ADGRL3: variants seen among roughly 807,000 people sequenced by gnomAD.
The protein encoded by ADGRL3 is calcium-independent alpha-latrotoxin receptor 3.
Under a neutral mutation model 153.5 loss-of-function variants are expected in ADGRL3, and 62 were observed. The observed-to-expected ratio is 0.40, with a 90% CI of 0.33 to 0.50. The LOEUF (loss-of-function observed/expected upper bound fraction) is 0.50. Ranked by LOEUF, ADGRL3 falls within the 20% of genes least tolerant of loss-of-function variation. The pLI is 0.47. For synonymous variants in ADGRL3, 710 were observed against 672.5 expected, an observed-to-expected ratio of 1.06 and a Z score of -0.86; for missense variants, 1,641 against 1,859.4, an observed-to-expected ratio of 0.88 and a Z score of 2.16.
chr4:61,388,627 C>T (rs1280784306), intron 2 of ADGRL3, among the ~76,000 whole-genome samples: 2 of 152,188 alleles, frequency 1.3e-5, no homozygotes, highest in African/African-American at 4.8e-5. Flanking sequence ...TCACAGTCCT[C>T]TTCTGTGTGG....
intron 9 of ADGRL3, among the ~76,000 whole-genome samples, chr4:61,865,177 A>C (rs1470263766): frequency 6.6e-6 from 1 of 152,180 alleles, no homozygotes; most frequent in Non-Finnish European, 1.5e-5. Context: ...TTTTCTGTGG[A>C]CAAAAGAATT....
chr4:61,581,030 T>G (rs551715086), intron 4 of ADGRL3, among the ~76,000 whole-genome samples: 18 of 152,176 alleles, frequency 1.2e-4, no homozygotes, highest in South Asian at 2.1e-4. Context: ...GAAAGTTGGG[T>G]TCTTGTATTC....
At chr4:61,492,230 A>G (rs1301599431) in intron 2 of ADGRL3, among the ~76,000 whole-genome samples, 1 of 152,178 alleles carries the variant, frequency 6.6e-6, no homozygotes, top group Non-Finnish European at 1.5e-5. Context: ...AAAATAAGTT[A>G]TGGATTGATA....
chr4:61,404,544 T>C (rs560031304), intron 2 of ADGRL3, among the ~76,000 whole-genome samples: 1 of 152,218 alleles, frequency 6.6e-6, no homozygotes, highest in Admixed American at 6.5e-5. Context: ...CATTGAGCAT[T>C]TCTTTATTCT....
chr4:62,019,124 G>A (rs1220795251), intron 21 of ADGRL3, among the ~76,000 whole-genome samples: 5 of 152,036 alleles, frequency 3.3e-5, no homozygotes, highest in Non-Finnish European at 2.9e-5. Context: ...GGTTTTGTAA[G>A]CCCAAGCCAT....
intron 1 of ADGRL3, among the ~76,000 whole-genome samples, chr4:61,365,799 C>T (rs1487217023): frequency 6.6e-6 from 1 of 152,048 alleles, no homozygotes. Flanking sequence ...CTCTCACTTT[C>T]AAATAACAGA....
intron 5 of ADGRL3, among the ~76,000 whole-genome samples, chr4:61,675,714 G>A (rs1043292540): frequency 6.6e-6 from 1 of 150,772 alleles, no homozygotes; most frequent in African/African-American, 2.4e-5. Flanking sequence ...ATGGGAACAT[G>A]AGATATTTTG....
chr4:61,615,946 G>T (rs1406448943), intron 5 of ADGRL3, among the ~76,000 whole-genome samples: 11 of 152,056 alleles, frequency 7.2e-5, no homozygotes, highest in Admixed American at 7.2e-4. Context: ...GCTCTATAAT[G>T]AGTAGGGAAG....
intron 4 of ADGRL3, among the ~76,000 whole-genome samples, chr4:61,550,799 G>T (rs2098736842): frequency 6.6e-6 from 1 of 152,032 alleles, no homozygotes; most frequent in Admixed American, 6.5e-5. Context: ...ATTTGGAGAG[G>T]CTGGCTAAGG....
At chr4:61,775,820 C>T (rs2097141405) in intron 8 of ADGRL3, 6 of 629,202 alleles carry the variant, frequency 9.5e-6, no homozygotes, top group East Asian at 5.4e-5. Flanking sequence ...ACGTCCATTA[C>T]GCTTCCAGCA....
intron 6 of ADGRL3, among the ~76,000 whole-genome samples, chr4:61,679,025 A>G (rs1415538871): frequency 1.3e-5 from 2 of 152,062 alleles, no homozygotes; most frequent in East Asian, 1.9e-4. Context: ...TTGTGTTGCT[A>G]TAAAGGAATA....
intron 11 of ADGRL3, among the ~76,000 whole-genome samples, chr4:61,902,420 C>A (rs10024150): frequency 0.017 from 2,660 of 152,264 alleles, 85 homozygotes; most frequent in African/African-American, 0.062. Context: ...TCACCCAGAT[C>A]TCCTTTCATT....
chr4:61,735,685 T>A (rs2096498812), intron 8 of ADGRL3, among the ~76,000 whole-genome samples: 1 of 152,184 alleles, frequency 6.6e-6, no homozygotes, highest in Admixed American at 6.6e-5. Context: ...AAAGGAATAA[T>A]AAATAATAAC....
At chr4:61,302,805 A>G (rs188750156) in intron 1 of ADGRL3, among the ~76,000 whole-genome samples, 591 of 152,314 alleles carry the variant, frequency 3.9e-3, no homozygotes, top group Non-Finnish European at 6.3e-3. Flanking sequence ...CTGGAAAACT[A>G]TATACTTATT....
At chr4:61,997,950 T>C (rs1036787950) in intron 20 of ADGRL3, among the ~76,000 whole-genome samples, 7 of 152,176 alleles carry the variant, frequency 4.6e-5, no homozygotes, top group Non-Finnish European at 7.4e-5. Context: ...ATTTGTGTGA[T>C]TTGGCATAGC....
At chr4:61,394,172 T>A (rs2096843946) in intron 2 of ADGRL3, among the ~76,000 whole-genome samples, 1 of 152,048 alleles carries the variant, frequency 6.6e-6, no homozygotes, top group Non-Finnish European at 1.5e-5. Context: ...GAGAATATAA[T>A]TTTCCTGAGT....
intron 13 of ADGRL3, among the ~76,000 whole-genome samples, chr4:61,926,035 G>A (rs1007146540): frequency 3.9e-5 from 6 of 152,096 alleles, no homozygotes; most frequent in Non-Finnish European, 7.3e-5. Flanking sequence ...ATAGCCTACT[G>A]CCCCTTAGGC....
At chr4:61,362,576 A>T (rs2151519024) in intron 1 of ADGRL3, among the ~76,000 whole-genome samples, 2 of 152,314 alleles carry the variant, frequency 1.3e-5, no homozygotes, top group South Asian at 4.1e-4. Context: ...GTATTCTGAA[A>T]GTAAGCTGAA....
rs59446428 is a variant in ADGRL3, at chr4:61,780,122, T to C, written c.1400-33687T>C. Among the ~76,000 whole-genome samples the C allele has an allele frequency of 2.0e-3, 312 of 152,330 alleles. 3 individuals carry two copies. The highest frequency in any genetic ancestry group is 7.2e-3 in the African/African-American group (299 of 41,582). On this transcript the variant is annotated intron_variant, in intron 8 of 26. Transcript: ENST00000683033. ...GTGGAGCAATATATATATACTACCT[T>C]CCTCTCTAGACTTAGGCTGCTCAGG...
Sources: gnomAD v4.1 joint callset for allele counts (sites outside exome capture counted in the v4.1 genomes callset) on GRCh38, gnomAD v4.1.1 for gene constraint, MANE v1.5 for transcripts, NCBI Gene and HGNC (gene_info 2026-07-23, HGNC 2026-07-21) for gene names.